Variants in ARHGAP22 observed in about 807,000 individuals in gnomAD.
ARHGAP22 encodes Rho GTPase activating protein 22, also known as rho GTPase-activating protein 22.
ARHGAP22 carries 48 observed loss-of-function variants against 59.1 expected under a neutral mutation model. The observed-to-expected ratio is 0.81, with a 90% CI of 0.64 to 1.03. ARHGAP22 has a LOEUF of 1.03. Ranked by LOEUF, ARHGAP22 falls within the 50% of genes least tolerant of loss-of-function variation. The probability of loss-of-function intolerance (pLI) is 0.00; values close to 1 mark genes in which losing one functional copy is unlikely to be tolerated. For missense variants in ARHGAP22, 1,015 were observed against 958.7 expected (o/e 1.06, Z -0.78); for synonymous variants, 445 against 416.4 (o/e 1.07, Z -0.84).
At chr10:48,655,008 C>T (rs930792075), upstream of ARHGAP22, among the ~76,000 whole-genome samples, 32 of 76,556 alleles carry the variant, frequency 4.2e-4, no homozygotes, top group South Asian at 4.1e-4. Flanking sequence ...CTCTTTCTTT[C>T]TCTTTCTTTC....
downstream of ARHGAP22, chr10:48,444,432 T>C (rs1386347633): frequency 6.6e-6 from 1 of 152,234 alleles, no homozygotes; most frequent in Non-Finnish European, 1.5e-5. Flanking sequence ...AGAACAGAAC[T>C]GAATAATCAT....
intron 2 of ARHGAP22, among the ~76,000 whole-genome samples, chr10:48,579,549 CTCCG>C (rs1312166590): frequency 6.6e-6 from 1 of 152,186 alleles, no homozygotes; most frequent in Non-Finnish European, 1.5e-5. Flanking sequence ...CTTCCTTTTT[CTCCG>C]TCTTGAACTG....
intron 1 of ARHGAP22, among the ~76,000 whole-genome samples, chr10:48,615,878 A>T (rs1294065344): frequency 6.6e-6 from 1 of 152,086 alleles, no homozygotes; most frequent in Non-Finnish European, 1.5e-5. Context: ...GAGACTCAAG[A>T]GCAGATCTGA....
At chr10:48,634,543 TG>T (rs2061738639) in intron 1 of ARHGAP22, among the ~76,000 whole-genome samples, 1 of 152,144 alleles carries the variant, frequency 6.6e-6, no homozygotes, top group African/African-American at 2.4e-5. Context: ...GTTCTGTGGC[TG>T]GGGGTGGGTG....
intron 4 of ARHGAP22, 116 bp downstream of exon 4, chr10:48,479,520 G>A: frequency 5.7e-6 from 9 of 1,573,576 alleles, no homozygotes; most frequent in Non-Finnish European, 7.8e-6. Context: ...GAGAAGCACA[G>A]GATGCAGCCA....
chr10:48,600,305 T>C (rs1214735121), intron 1 of ARHGAP22, among the ~76,000 whole-genome samples: 1 of 152,156 alleles, frequency 6.6e-6, no homozygotes, highest in Admixed American at 6.5e-5. Flanking sequence ...AATTGAAGAA[T>C]AGGTGAGATC....
intron 1 of ARHGAP22, among the ~76,000 whole-genome samples, chr10:48,640,055 T>A (rs1235012023): frequency 1.3e-5 from 2 of 152,098 alleles, no homozygotes; most frequent in Non-Finnish European, 2.9e-5. Context: ...AATGCTTGAG[T>A]TGAACATTCA....
chr10:48,490,422 CAG>C (rs2050270925), intron 3 of ARHGAP22, among the ~76,000 whole-genome samples: 1 of 152,166 alleles, frequency 6.6e-6, no homozygotes, highest in South Asian at 2.1e-4. Context: ...TGACAGCCAA[CAG>C]TGTCTCCATA....
chr10:48,640,919 T>C (rs2062018534), intron 1 of ARHGAP22, among the ~76,000 whole-genome samples: 1 of 152,134 alleles, frequency 6.6e-6, no homozygotes, highest in Non-Finnish European at 1.5e-5. Context: ...TTATCATGTA[T>C]AAATAAGGAT....
intron 5 of ARHGAP22, among the ~76,000 whole-genome samples, chr10:48,457,479 C>T (rs1033458461): frequency 6.6e-6 from 1 of 152,104 alleles, no homozygotes; most frequent in Non-Finnish European, 1.5e-5. Context: ...ATGTGGGTGC[C>T]CCTCCACCCC....
intron 5 of ARHGAP22, among the ~76,000 whole-genome samples, chr10:48,458,641 G>A (rs997234220): frequency 7.9e-5 from 12 of 152,176 alleles, no homozygotes; most frequent in African/African-American, 2.7e-4. Context: ...TCGGCTCCCA[G>A]GCCTTACCCA....
In ARHGAP22 at chr10:48,459,513, G is replaced by A. The variant is rs1025576376; in HGVS notation, c.659+171C>T. ...CATGGCAGGCATCCATCCTGAGAGG[G>A]GACCCCGGGCTGGCGGAGTGAGGGT... On this transcript the variant is annotated intron_variant, in intron 5 of 9. Coordinates refer to ENST00000249601, the MANE Select transcript of ARHGAP22 (RefSeq NM_021226.4). Among the ~76,000 whole-genome samples the A allele has an allele frequency of 4.6e-5, 7 of 152,306 alleles. No individual in the cohort carries two copies. The South Asian group carries it at 8.3e-4, about 18-fold the overall frequency.
At chr10:48,444,298 A>C (rs1319583220), downstream of ARHGAP22, 1 of 151,842 alleles carries the variant, frequency 6.6e-6, no homozygotes, top group Non-Finnish European at 1.5e-5. Flanking sequence ...CAATTGAGAG[A>C]AGTGGGTAGT....
rs570198454 is a variant in ARHGAP22 at position 48,640,182 on chromosome 10, A to G, written c.52+12052T>C. ...AATTAGCGAACCTGAAGAACACAAA[A>G]CAATTTTAAAAATTGAAGCACAAAG... On this transcript the variant is annotated intron_variant, in intron 1 of 9. Coordinates refer to the ARHGAP22 transcript ENST00000435790. 2.6e-5 allele frequency among the ~76,000 whole-genome samples: 4 copies of G among 152,286 alleles called. No individual in the cohort carries two copies. The South Asian group carries it at 8.3e-4, about 32-fold the overall frequency.
chr10:48,529,903 A>G (rs2054658254), intron 3 of ARHGAP22, among the ~76,000 whole-genome samples: 1 of 152,200 alleles, frequency 6.6e-6, no homozygotes, highest in Non-Finnish European at 1.5e-5. Context: ...TAAGCCACAC[A>G]TAGAAGAATG....
intron 1 of ARHGAP22, among the ~76,000 whole-genome samples, chr10:48,615,425 A>T (rs1387525253): frequency 6.6e-6 from 1 of 152,264 alleles, no homozygotes; most frequent in African/African-American, 2.4e-5. Flanking sequence ...AAAAGTTATT[A>T]AACAAATAAA....
intron 3 of ARHGAP22, among the ~76,000 whole-genome samples, chr10:48,518,575 G>A (rs571410381): frequency 6.6e-6 from 1 of 152,252 alleles, no homozygotes. Flanking sequence ...AGCAGGCCAC[G>A]TGTGAGAGGA....
chr10:48,447,889 C>A (rs1411234805), intron 9 of ARHGAP22, among the ~76,000 whole-genome samples: 1 of 152,154 alleles, frequency 6.6e-6, no homozygotes, highest in Non-Finnish European at 1.5e-5. Context: ...TTAGCAAAAC[C>A]TTTTGGCTCT....
rs555716492 is a variant in ARHGAP22 at position 48,582,614 on chromosome 10, T to C, written c.234+339A>G. The C allele has an allele frequency of 1.8e-5, 6 of 331,060 alleles. No homozygotes were observed. In the East Asian group the frequency reaches 3.6e-4, roughly 20 times the overall value. 20.5% of individuals were successfully genotyped at this position (331,060 alleles called of 1,614,324 possible). ...TCTGGTGACCCATTTTCCTGCAAGA[T>C]ACAAGTAATGAAATGTGTGCATGTA... On this transcript the variant is annotated intron_variant, in intron 2 of 9. Coordinates refer to ENST00000249601, the MANE Select transcript of ARHGAP22 (RefSeq NM_021226.4).
Sources: gnomAD v4.1 joint callset for allele counts (sites outside exome capture counted in the v4.1 genomes callset) on GRCh38, gnomAD v4.1.1 for gene constraint, MANE v1.5 for transcripts, NCBI Gene and HGNC (gene_info 2026-07-23, HGNC 2026-07-21) for gene names.